The following KAZN variants were observed in gnomAD, a reference collection of about 807,000 sequenced individuals.
KAZN encodes kazrin, periplakin interacting protein, also known as kazrin.
KAZN carries 40 observed loss-of-function variants against 87.4 expected under a neutral mutation model. The observed-to-expected ratio is 0.46, with a 90% CI of 0.36 to 0.60. The LOEUF (loss-of-function observed/expected upper bound fraction) is 0.60, where lower values mean the gene tolerates loss of function less well. Among genes scored for constraint, KAZN ranks in the 20% least tolerant of loss-of-function variants. KAZN has a pLI of 0.00. For synonymous variants in KAZN, 466 were observed against 458.3 expected (o/e 1.02, Z -0.22); for missense variants, 898 against 1,073.9 (o/e 0.84, Z 2.29).
intron 1 of KAZN, among the ~76,000 whole-genome samples, chr1:14,037,301 C>G (rs993982434): frequency 1.3e-5 from 2 of 152,312 alleles, no homozygotes; most frequent in South Asian, 2.1e-4. Context: ...ATTTGCATGA[C>G]AGGCTGCCCT....
At chr1:14,262,355 G>T (rs572858863) in intron 2 of KAZN, among the ~76,000 whole-genome samples, 2 of 152,284 alleles carry the variant, frequency 1.3e-5, no homozygotes, top group East Asian at 3.9e-4. Flanking sequence ...ATTGGTAAAA[G>T]CACATTCTGT....
At chr1:14,227,774 GTCTT>G (rs1321893472) in intron 2 of KAZN, among the ~76,000 whole-genome samples, 1 of 152,118 alleles carries the variant, frequency 6.6e-6, no homozygotes, top group Non-Finnish European at 1.5e-5. Flanking sequence ...CAAAACAGCG[GTCTT>G]TCTATGAATT....
At chr1:14,764,231 T>C (rs1644823482) in intron 1 of KAZN, among the ~76,000 whole-genome samples, 1 of 152,058 alleles carries the variant, frequency 6.6e-6, no homozygotes, top group South Asian at 2.1e-4. Context: ...GCATGGGCTG[T>C]ACTTTCTGCT....
intron 1 of KAZN, among the ~76,000 whole-genome samples, chr1:14,798,015 C>A (rs989975424): frequency 1.3e-5 from 2 of 152,190 alleles, no homozygotes; most frequent in African/African-American, 2.4e-5. Flanking sequence ...CTATCTCCCC[C>A]ACTTTACAGA....
chr1:14,626,971 G>T (rs535231228), intron 1 of KAZN, among the ~76,000 whole-genome samples: 1 of 152,080 alleles, frequency 6.6e-6, no homozygotes, highest in African/African-American at 2.4e-5. Context: ...CTCTGAAGTC[G>T]CTTACCAGGA....
chr1:14,599,296 C>G lies in KAZN; in HGVS notation c.226+73C>G. On this transcript the variant is annotated intron_variant, in intron 1 of 14. Coordinates refer to ENST00000376030, the MANE Select transcript of KAZN (RefSeq NM_201628.3). This position sits in a 1 kb window ranked among gnomAD's most constrained non-coding sequence, Gnocchi z 4.4. ...CCCGGCCTCGGAGGTGGCCGGGGAC[C>G]CGGGGTCCCCCACACCCGGGGCGAA... is the stretch of plus-strand genomic sequence containing the variant. 7.9e-7 allele frequency: 1 copy of G among 1,267,988 alleles called. No homozygotes were observed. Among genetic ancestry groups the G allele is most frequent in the South Asian group, 3.1e-5 (1 of 32,710 alleles). The allele number at this position is 1,267,988 out of a possible 1,614,324, so 78.5% of individuals were successfully genotyped here.
chr1:14,819,879 T>A (rs1168791625), intron 1 of KAZN, among the ~76,000 whole-genome samples: 1 of 151,850 alleles, frequency 6.6e-6, no homozygotes, highest in Admixed American at 6.6e-5. Context: ...GGCTAATTTT[T>A]AAATATTTTT....
intron 1 of KAZN, among the ~76,000 whole-genome samples, chr1:14,878,823 T>C (rs1653034942): frequency 6.6e-6 from 1 of 152,076 alleles, no homozygotes; most frequent in Admixed American, 6.6e-5. Context: ...CCTTCCCACA[T>C]CCCACTGGGA....
chr1:14,329,205 A>T (rs1341818707), intron 2 of KAZN, among the ~76,000 whole-genome samples: 1 of 152,144 alleles, frequency 6.6e-6, no homozygotes, highest in African/African-American at 2.4e-5. Flanking sequence ...TGAGATGGCC[A>T]CTAACAACAC....
chr1:14,156,953 G>A (rs946963287), intron 1 of KAZN, among the ~76,000 whole-genome samples: 1 of 146,414 alleles, frequency 6.8e-6, no homozygotes, highest in South Asian at 2.2e-4. Flanking sequence ...TGAAGGTGAT[G>A]TTTCTTTGGT....
chr1:14,167,994 A>G (rs1010916078), intron 1 of KAZN, among the ~76,000 whole-genome samples: 1 of 152,140 alleles, frequency 6.6e-6, no homozygotes, highest in Admixed American at 6.5e-5. Flanking sequence ...TCTCCTTCCA[A>G]TGGCAAGCAC....
At chr1:14,826,926 C>T (rs559132487) in intron 1 of KAZN, among the ~76,000 whole-genome samples, 5 of 152,156 alleles carry the variant, frequency 3.3e-5, no homozygotes, top group South Asian at 2.1e-4. Context: ...CCTGGCTCGG[C>T]GGCTGTGTGA....
At chr1:14,716,890 T>C (rs1430253539) in intron 1 of KAZN, among the ~76,000 whole-genome samples, 1 of 151,912 alleles carries the variant, frequency 6.6e-6, no homozygotes, top group African/African-American at 2.4e-5. Flanking sequence ...AAGAAGAGGG[T>C]GCCACTGCCG....
chr1:15,066,438 T>G lies in KAZN; in HGVS notation c.1222+685T>G. 1.0e-6 allele frequency: 1 copy of G among 985,124 alleles called. No individual in the cohort carries two copies. 61.0% of individuals were successfully genotyped at this position (985,124 alleles called of 1,614,324 possible). A position where few individuals can be genotyped will look rare whatever the true frequency, so the allele number is the denominator to read the frequency against. On this transcript the variant is annotated intron_variant, in intron 8 of 14. Coordinates refer to ENST00000376030, the MANE Select transcript of KAZN (RefSeq NM_201628.3). This position sits in a 1 kb window ranked among gnomAD's most constrained non-coding sequence, Gnocchi z 4.3. ...CCATCGTCGTCAGGGTAAGCTCTGC[T>G]CTCTACAAAGACTCGCGAGCCGGGC...
intron 2 of KAZN, among the ~76,000 whole-genome samples, chr1:14,968,580 G>T (rs1031058173): frequency 6.6e-6 from 1 of 152,186 alleles, no homozygotes; most frequent in Non-Finnish European, 1.5e-5. Flanking sequence ...CTTAGGACAC[G>T]TGAGGGTCAT....
intron 13 of KAZN, among the ~76,000 whole-genome samples, chr1:15,107,521 CTTA>C (rs1641337002): frequency 6.6e-6 from 1 of 152,176 alleles, no homozygotes; most frequent in South Asian, 2.1e-4. Context: ...GGGCAAGTTA[CTTA>C]ACCTCTCTGA....
chr1:14,108,116 GC>G (rs1452138895), intron 1 of KAZN, among the ~76,000 whole-genome samples: 7 of 152,034 alleles, frequency 4.6e-5, no homozygotes, highest in Non-Finnish European at 7.3e-5. Context: ...GCTTGCCGTG[GC>G]CTCCAGGTCA....
chr1:14,415,133 G>C (rs1362627611), intron 2 of KAZN, among the ~76,000 whole-genome samples: 5 of 152,170 alleles, frequency 3.3e-5, no homozygotes, highest in African/African-American at 9.7e-5. Context: ...AAAGCAATTA[G>C]ACATCGTGTT....
intron 2 of KAZN, among the ~76,000 whole-genome samples, chr1:14,424,269 A>G (rs1253279368): frequency 2.0e-5 from 3 of 152,230 alleles, no homozygotes; most frequent in African/African-American, 4.8e-5. Context: ...TCTCATGATC[A>G]TTACACTTCA....
Sources: gnomAD v4.1 joint callset for allele counts (sites outside exome capture counted in the v4.1 genomes callset) on GRCh38, gnomAD v4.1.1 for gene constraint, Gnocchi (gnomAD v3.1) non-coding constraint, MANE v1.5 for transcripts, NCBI Gene and HGNC (gene_info 2026-07-23, HGNC 2026-07-21) for gene names.